The following KIF26B variants were observed in gnomAD, a reference collection of about 807,000 sequenced individuals.
The protein encoded by KIF26B is kinesin family member 26B.
KIF26B carries 63 observed loss-of-function variants against 151.2 expected under a neutral mutation model. The ratio of observed to expected loss-of-function variants is 0.42; its 90% CI spans 0.34 to 0.51. KIF26B has a LOEUF of 0.51. Among genes scored for constraint, KIF26B ranks in the 20% least tolerant of loss-of-function variants. The probability of loss-of-function intolerance (pLI) is 0.07; values close to 1 mark genes in which losing one functional copy is unlikely to be tolerated. For missense variants in KIF26B, 2,813 were observed against 2,913.6 expected (o/e 0.97, Z 0.79); for synonymous variants, 1,357 against 1,262.1 (o/e 1.08, Z -1.59).
rs1674183144 is a variant in KIF26B at position 245,408,182 on chromosome 1, G to A, written c.1000-11397G>A. ...CTTGACTACTCAGTCTGAATTTGCT[G>A]AGTTGCAAATTGAAAGTGAAATCAA... On this transcript the variant is annotated intron_variant, in intron 3 of 14. Transcript: ENST00000407071. 2.6e-5 allele frequency among the ~76,000 whole-genome samples: 4 copies of A among 152,188 alleles called. No individual in the cohort carries two copies. In the South Asian group the frequency reaches 6.2e-4, roughly 24 times the overall value.
chr1:245,646,076 T>C (rs2043942316), intron 9 of KIF26B, 45 bp from the exon 10 acceptor site: 2 of 1,594,362 alleles, frequency 1.3e-6, no homozygotes, highest in African/African-American at 1.3e-5. Flanking sequence ...GATGAGTGTT[T>C]GTCAGAACTT....
chr1:245,349,559 CA>C (rs58254627), intron 2 of KIF26B, among the ~76,000 whole-genome samples: 12,769 of 75,770 alleles, frequency 0.17, 697 homozygotes, highest in East Asian at 0.34. Flanking sequence ...AAATAAACTT[CA>C]AAAAAAAAAA....
chr1:245,331,985 G>A (rs1672124156), intron 2 of KIF26B, among the ~76,000 whole-genome samples: 1 of 152,142 alleles, frequency 6.6e-6, no homozygotes, highest in Non-Finnish European at 1.5e-5. Context: ...AATCAGCCGG[G>A]CGTGGTGGTG....
At chr1:245,162,143 C>G (rs980488496) in intron 2 of KIF26B, among the ~76,000 whole-genome samples, 12 of 152,218 alleles carry the variant, frequency 7.9e-5, no homozygotes, top group African/African-American at 2.9e-4. Flanking sequence ...GACCTCTGCT[C>G]TGTTTTGTCC....
intron 10 of KIF26B, among the ~76,000 whole-genome samples, chr1:245,673,181 G>C (rs1201075428): frequency 1.1e-5 from 1 of 89,756 alleles, no homozygotes; most frequent in South Asian, 6.2e-4. Flanking sequence ...TCCCCGCTGC[G>C]CGCTGCCATC....
At chr1:245,315,548 C>A (rs1440717175) in intron 2 of KIF26B, among the ~76,000 whole-genome samples, 2 of 151,932 alleles carry the variant, frequency 1.3e-5, no homozygotes, top group South Asian at 2.1e-4. Flanking sequence ...GTGGTGAAAC[C>A]CCGTCTCTAC....
At chr1:245,568,309 A>C (rs2103121102) in intron 5 of KIF26B, among the ~76,000 whole-genome samples, 1 of 151,508 alleles carries the variant, frequency 6.6e-6, no homozygotes, top group East Asian at 2.0e-4. Flanking sequence ...TGAGCTCAGG[A>C]GTTCAGCCTG....
chr1:245,225,517 G>GCTCATT (rs1669856476), intron 2 of KIF26B, among the ~76,000 whole-genome samples: 1 of 152,212 alleles, frequency 6.6e-6, no homozygotes, highest in African/African-American at 2.4e-5. Flanking sequence ...AGAGGAATGA[G>GCTCATT]CCTATTGCTC....
chr1:245,482,695 G>T (rs1198856955), intron 4 of KIF26B, among the ~76,000 whole-genome samples: 1 of 151,838 alleles, frequency 6.6e-6, no homozygotes, highest in Admixed American at 6.6e-5. Flanking sequence ...TGCTGTGGAG[G>T]TTCGATGAAT....
At chr1:245,618,713 G>C (rs1322871374) in intron 9 of KIF26B, among the ~76,000 whole-genome samples, 1 of 140,842 alleles carries the variant, frequency 7.1e-6, no homozygotes, top group Non-Finnish European at 1.5e-5. Flanking sequence ...TGCTGGGGCT[G>C]TGTCTGCTAC....
At chr1:245,678,777 C>T (rs1040216975) in intron 10 of KIF26B, among the ~76,000 whole-genome samples, 13 of 151,884 alleles carry the variant, frequency 8.6e-5, no homozygotes, top group African/African-American at 1.7e-4. Context: ...GCAGGGGAAT[C>T]GCTTGAACCC....
chr1:245,691,591 A>G (rs1001039426), intron 12 of KIF26B, among the ~76,000 whole-genome samples: 2 of 152,230 alleles, frequency 1.3e-5, no homozygotes, highest in Non-Finnish European at 2.9e-5. Context: ...CTTCTTTAAG[A>G]GAAGCTATAA....
At chr1:245,693,671 C>T (rs1218406253) in intron 12 of KIF26B, among the ~76,000 whole-genome samples, 1 of 152,108 alleles carries the variant, frequency 6.6e-6, no homozygotes, top group African/African-American at 2.4e-5. Flanking sequence ...CCCAGGCTAC[C>T]AGGTTCAGTT....
Position 245,316,934 on chromosome 1 carries a change from G to A in KIF26B, c.466-49900G>A, listed in dbSNP as rs556141990. ...TCCTGGCGCCTGGGCTGTCCAGCCC[G>A]GGTGGAGGGACTCCCGAGACCTGGT... is the stretch of plus-strand genomic sequence containing the variant. On this transcript the variant is annotated intron_variant, in intron 2 of 14. Transcript: ENST00000407071. 1.2e-3 allele frequency among the ~76,000 whole-genome samples: 177 copies of A among 150,274 alleles called. 8 individuals carry two copies. In the South Asian group the frequency reaches 0.034, roughly 29 times the overall value.
At chr1:245,307,929 A>G (rs1573766065) in intron 2 of KIF26B, among the ~76,000 whole-genome samples, 1 of 152,226 alleles carries the variant, frequency 6.6e-6, no homozygotes, top group Middle Eastern at 3.4e-3. Context: ...TTTAGTGGAG[A>G]CGGGGTTTTA....
chr1:245,264,330 C>G (rs1263974083), intron 2 of KIF26B, among the ~76,000 whole-genome samples: 3 of 152,174 alleles, frequency 2.0e-5, no homozygotes, highest in Admixed American at 2.0e-4. Flanking sequence ...ACGTAAAACA[C>G]TACTGCATAG....
At chr1:245,525,750 C>T (rs769756291) in intron 4 of KIF26B, among the ~76,000 whole-genome samples, 4 of 152,078 alleles carry the variant, frequency 2.6e-5, no homozygotes, top group Admixed American at 6.6e-5. Context: ...TTCCTAGAAG[C>T]GCCATCAAAA....
chr1:245,238,980 T>G (rs558099093), intron 2 of KIF26B, among the ~76,000 whole-genome samples: 1 of 152,352 alleles, frequency 6.6e-6, no homozygotes, highest in Non-Finnish European at 1.5e-5. Flanking sequence ...TAGCAAACTC[T>G]CTGTAGACCC....
chr1:245,310,120 T>C (rs549795353), intron 2 of KIF26B, among the ~76,000 whole-genome samples: 2 of 148,832 alleles, frequency 1.3e-5, no homozygotes, highest in African/African-American at 4.9e-5. Context: ...TCACTATATA[T>C]AAATATCTCT....
Sources: allele counts gnomAD v4.1 joint callset (sites outside exome capture counted in the v4.1 genomes callset), GRCh38; gene constraint gnomAD v4.1.1; transcripts MANE v1.5; gene names NCBI Gene and HGNC (gene_info 2026-07-23, HGNC 2026-07-21).